The following RTN4 variants were observed in gnomAD, a reference collection of about 807,000 sequenced individuals.
The protein encoded by RTN4 is reticulon 4.
A neutral mutation model predicts 90.4 loss-of-function variants in RTN4; 32 were observed. The observed-to-expected ratio is 0.35, with a 90% CI of 0.27 to 0.48. The LOEUF is 0.48. Among genes scored for constraint, RTN4 ranks in the 20% least tolerant of loss-of-function variants. RTN4 has a pLI of 0.99. For missense variants in RTN4, 1,706 were observed against 1,430.2 expected, an observed-to-expected ratio of 1.19 and a Z score of -3.11; for synonymous variants, 629 against 552.5, an observed-to-expected ratio of 1.14 and a Z score of -1.94.
chr2:55,002,718 G>C (rs971846328), intron 3 of RTN4, among the ~76,000 whole-genome samples: 3 of 152,072 alleles, frequency 2.0e-5, no homozygotes, highest in African/African-American at 7.2e-5. Context: ...CTAAGGTAAA[G>C]CTAAATATCT....
the RTN4 span, among the ~76,000 whole-genome samples, chr2:55,129,029 A>C: frequency 6.6e-6 from 1 of 151,020 alleles, no homozygotes; most frequent in South Asian, 2.1e-4. Flanking sequence ...AATCGCTTGA[A>C]GCCAGGAGGT....
upstream of RTN4, among the ~76,000 whole-genome samples, chr2:55,052,878 T>C (rs902259078): frequency 6.6e-5 from 10 of 152,200 alleles, no homozygotes; most frequent in Admixed American, 6.5e-4. Flanking sequence ...TCACAGGGCC[T>C]TTATGTATGT....
At chr2:55,117,605 C>A (rs1376855300), upstream of RTN4, among the ~76,000 whole-genome samples, 2 of 152,194 alleles carry the variant, frequency 1.3e-5, no homozygotes, top group Non-Finnish European at 2.9e-5. Context: ...CGTGGCAGCT[C>A]TGGAAAGGGC....
chr2:55,081,210 A>G lies in RTN4; in HGVS notation c.-213-571T>C, dbSNP rs149808336. 6.9e-4 allele frequency among the ~76,000 whole-genome samples: 105 copies of G among 152,252 alleles called. 1 individual carries two copies. In the East Asian group the frequency reaches 0.018, roughly 27 times the overall value. On this transcript the variant is annotated intron_variant, in intron 1 of 3. Coordinates refer to the RTN4 transcript ENST00000427710. ...TGCCTCAGCCTCTGAAGTAGCTGGG[A>G]CCACAGGTGCTCGCCACCATGCCCT...
chr2:55,057,474 G>A (rs958976828), intron 2 of RTN4, among the ~76,000 whole-genome samples: 1 of 152,038 alleles, frequency 6.6e-6, no homozygotes, highest in South Asian at 2.1e-4. Flanking sequence ...CAGGCACTTG[G>A]GTACTCAATC....
At chr2:55,023,620 T>C (rs1205232226) in intron 3 of RTN4, among the ~76,000 whole-genome samples, 1 of 151,916 alleles carries the variant, frequency 6.6e-6, no homozygotes, top group Non-Finnish European at 1.5e-5. Context: ...GTAATCAGAT[T>C]TTCCCCTTCC....
At chr2:55,094,160 G>C (rs929964237) in intron 1 of RTN4, among the ~76,000 whole-genome samples, 19 of 152,166 alleles carry the variant, frequency 1.2e-4, no homozygotes, top group Non-Finnish European at 2.8e-4. Context: ...ATGAGGCCCT[G>C]AGAGTAGAGT....
chr2:55,109,155 G>GA (rs1022990672), intron 1 of RTN4, among the ~76,000 whole-genome samples: 1 of 151,712 alleles, frequency 6.6e-6, no homozygotes, highest in Non-Finnish European at 1.5e-5. Context: ...ATACTGAAAT[G>GA]AAAAAAACAG....
In RTN4 at chr2:54,988,438, T is replaced by C. The variant is rs181226959; in HGVS notation, c.3014-740A>G. 6.6e-5 allele frequency among the ~76,000 whole-genome samples: 10 copies of C among 152,328 alleles called. No homozygotes were observed. In the East Asian group the frequency reaches 9.6e-4, roughly 15 times the overall value. On this transcript the variant is annotated intron_variant, in intron 3 of 8. Transcript: ENST00000337526. ...ACACTAAAATGAGATACTTCAGTGA[T>C]ACCAAAATATATTTATATGCAGAAA...
At chr2:55,079,744 T>C (rs533772741) in intron 2 of RTN4, among the ~76,000 whole-genome samples, 327 of 152,288 alleles carry the variant, frequency 2.1e-3, no homozygotes, top group Non-Finnish European at 3.6e-3. Flanking sequence ...TGGACTCTCC[T>C]ACATAGGGAT....
upstream of RTN4, among the ~76,000 whole-genome samples, chr2:55,113,888 T>C (rs536723861): frequency 2.6e-5 from 4 of 152,282 alleles, no homozygotes; most frequent in Non-Finnish European, 4.4e-5. Context: ...CGGCCATCCC[T>C]TCCTGGCCAA....
intron 2 of RTN4, among the ~76,000 whole-genome samples, chr2:55,070,802 A>C (rs1295073650): frequency 6.6e-6 from 1 of 150,910 alleles, no homozygotes; most frequent in Non-Finnish European, 1.5e-5. Context: ...TTTTTGACAG[A>C]GTCTCTCTCT....
upstream of RTN4, among the ~76,000 whole-genome samples, chr2:55,053,455 G>C (rs1399909960): frequency 6.6e-6 from 1 of 152,152 alleles, no homozygotes; most frequent in Non-Finnish European, 1.5e-5. Context: ...GGGTGGCTGA[G>C]GCGGGTAGAT....
chr2:55,117,170 G>A (rs968705921), upstream of RTN4, among the ~76,000 whole-genome samples: 6 of 152,104 alleles, frequency 3.9e-5, no homozygotes, highest in African/African-American at 1.2e-4. Flanking sequence ...CACCGCACCC[G>A]GCCAGATAGC....
At chr2:54,983,402 A>G (rs1226324654) in intron 4 of RTN4, among the ~76,000 whole-genome samples, 5 of 152,176 alleles carry the variant, frequency 3.3e-5, no homozygotes, top group African/African-American at 1.2e-4. Context: ...TGTAAGAAAC[A>G]GTTTCATTAC....
At chr2:55,059,423 G>A (rs980163944) in intron 2 of RTN4, among the ~76,000 whole-genome samples, 8 of 151,622 alleles carry the variant, frequency 5.3e-5, no homozygotes, top group Non-Finnish European at 7.4e-5. Context: ...GTGCGATCAC[G>A]GCTCACTGTA....
rs551088878 is a variant in RTN4 at position 55,046,872 on chromosome 2, A to G, written c.556+2873T>C. 2.0e-5 allele frequency: 3 copies of G among 152,358 alleles called. No homozygotes were observed. The East Asian group carries it at 5.8e-4, about 29-fold the overall frequency. 9.4% of individuals were successfully genotyped at this position (152,358 alleles called of 1,614,324 possible). On this transcript the variant is annotated intron_variant, in intron 1 of 8. Coordinates refer to ENST00000337526, the MANE Select transcript of RTN4 (RefSeq NM_020532.5). ...TCAATATGGAATTAGGGAACTCTGTAGAACAGGCAATATTCTTTCCCCATT... is the reference window on the plus strand; with the variant it reads ...TCAATATGGAATTAGGGAACTCTGTGGAACAGGCAATATTCTTTCCCCATT...
At position 54,973,166 on chromosome 2, in the gene RTN4, T is replaced by C; in HGVS notation, c.3569A>G (p.Lys1190Arg). 1 of 1,604,704 alleles carries C rather than the reference T, an allele frequency of 6.2e-7. No homozygotes were observed. The highest frequency in any genetic ancestry group is 8.5e-7 in the Non-Finnish European group (1 of 1,172,250). Residue 1190 changes from lysine (K) to arginine (R), a missense_variant, in exon 9 of 9, where the codon AAA (lysine) becomes AGA (arginine). Lys to Arg is a conservative substitution (Grantham distance 26). Coordinates refer to ENST00000337526, the MANE Select transcript of RTN4 (RefSeq NM_020532.5). Reference protein sequence around the residue: ...IQAKIPGLKRKAE With the variant: ...IQAKIPGLKRRAE ...TTATTTTGGGCGTTTTCATTCAGCT[T>C]TGCGCTTCAATCCAGGGATTTTTGC...
At chr2:55,001,031 TA>T (rs974355020) in intron 3 of RTN4, among the ~76,000 whole-genome samples, 10 of 152,128 alleles carry the variant, frequency 6.6e-5, no homozygotes, top group Admixed American at 4.6e-4. Flanking sequence ...TAAAAATAGA[TA>T]AAAAAGACAT....
Sources: allele counts gnomAD v4.1 joint callset (sites outside exome capture counted in the v4.1 genomes callset), GRCh38; gene constraint gnomAD v4.1.1; transcripts MANE v1.5; gene names NCBI Gene and HGNC (gene_info 2026-07-23, HGNC 2026-07-21).